The following CHAT variants were observed in gnomAD, a reference collection of about 807,000 sequenced individuals.
CHAT encodes the protein acetyl CoA:choline O-acetyltransferase.
In CHAT, 61 loss-of-function variants were observed where a neutral mutation model predicts 76.9. The ratio of observed to expected loss-of-function variants is 0.79; its 90% CI spans 0.65 to 0.98. The LOEUF is 0.98. Among genes scored for constraint, CHAT ranks in the 50% least tolerant of loss-of-function variants. The pLI, the probability that CHAT is intolerant of heterozygous loss-of-function variation, is 0.00. For missense variants in CHAT, 946 were observed against 986.9 expected, an observed-to-expected ratio of 0.96 and a Z score of 0.56; for synonymous variants, 407 against 397.4, an observed-to-expected ratio of 1.02 and a Z score of -0.29.
chr10:49,616,257 A>G (rs1438513371), intron 1 of CHAT, among the ~76,000 whole-genome samples: 1 of 152,188 alleles, frequency 6.6e-6, no homozygotes, highest in Non-Finnish European at 1.5e-5. Context: ...CAACAGACTC[A>G]TGAGAGCAGA....
intron 7 of CHAT, among the ~76,000 whole-genome samples, chr10:49,631,061 C>T (rs889593977): frequency 6.6e-6 from 1 of 152,170 alleles, no homozygotes; most frequent in Non-Finnish European, 1.5e-5. Context: ...TCTTCCCCAC[C>T]AACGCTCAGC....
At chr10:49,628,579 A>C (rs1365117598) in intron 7 of CHAT, among the ~76,000 whole-genome samples, 2 of 152,188 alleles carry the variant, frequency 1.3e-5, no homozygotes, top group Admixed American at 6.5e-5. Flanking sequence ...CCATGATGGG[A>C]ACAGGAAGAG....
intron 7 of CHAT, among the ~76,000 whole-genome samples, chr10:49,638,578 T>C (rs1014558418): frequency 2.6e-5 from 4 of 152,246 alleles, no homozygotes; most frequent in African/African-American, 9.6e-5. Context: ...CTGTAACTTT[T>C]TTAAAATTAT....
At chr10:49,651,241 C>G (rs1003459312) in intron 10 of CHAT, among the ~76,000 whole-genome samples, 2 of 151,842 alleles carry the variant, frequency 1.3e-5, no homozygotes, top group African/African-American at 4.8e-5. Flanking sequence ...TCCAAGTCCC[C>G]CTGTGTTCCT....
upstream of CHAT, chr10:49,610,769 C>A: frequency 6.4e-7 from 1 of 1,556,390 alleles, no homozygotes; most frequent in Non-Finnish European, 8.7e-7. Context: ...GCGGGCCAGG[C>A]CCGGGCGGCG....
At chr10:49,610,635 C>T (rs1420611989), upstream of CHAT, 17 of 1,202,688 alleles carry the variant, frequency 1.4e-5, no homozygotes, top group South Asian at 7.0e-5. Flanking sequence ...GGAGTCTGCT[C>T]GGCCAGGACA....
intron 10 of CHAT, chr10:49,651,588 CCT>C (rs1839880123): frequency 2.4e-6 from 1 of 417,326 alleles, no homozygotes. Context: ...ACAGTTAATC[CCT>C]GACTCACTAA....
At chr10:49,638,188 C>T (rs575068060) in intron 7 of CHAT, among the ~76,000 whole-genome samples, 4 of 152,246 alleles carry the variant, frequency 2.6e-5, no homozygotes, top group Non-Finnish European at 5.9e-5. Context: ...TATATAATGC[C>T]CTTCTATGTC....
intron 13 of CHAT, among the ~76,000 whole-genome samples, chr10:49,656,263 C>T (rs938798607): frequency 1.4e-5 from 2 of 146,218 alleles, no homozygotes; most frequent in African/African-American, 2.5e-5. Flanking sequence ...AAACATAGCA[C>T]CCACTCATGT....
upstream of CHAT, among the ~76,000 whole-genome samples, chr10:49,609,676 C>G (rs1245191429): frequency 6.6e-6 from 1 of 151,914 alleles, no homozygotes; most frequent in East Asian, 2.0e-4. Context: ...GCGGAGGGGC[C>G]GGTGGGTCAG....
At chr10:49,657,847 T>C (rs1376709067) in intron 13 of CHAT, among the ~76,000 whole-genome samples, 1 of 152,230 alleles carries the variant, frequency 6.6e-6, no homozygotes, top group Non-Finnish European at 1.5e-5. Flanking sequence ...GATGAGGTAG[T>C]GGTTTGCCAA....
At chr10:49,650,662 C>T (rs1839847716) in intron 10 of CHAT, among the ~76,000 whole-genome samples, 1 of 152,138 alleles carries the variant, frequency 6.6e-6, no homozygotes, top group East Asian at 1.9e-4. Context: ...CTAGAGCCTG[C>T]CCTGCCACTG....
chr10:49,625,131 G>A (rs1838869960), intron 5 of CHAT, among the ~76,000 whole-genome samples: 1 of 152,214 alleles, frequency 6.6e-6, no homozygotes, highest in African/African-American at 2.4e-5. Flanking sequence ...AGGAGGGGAA[G>A]GAGTTTTCTG....
chr10:49,627,806 C>A (rs774117465), intron 7 of CHAT, 21 bp downstream of exon 7: 1 of 1,610,482 alleles, frequency 6.2e-7, no homozygotes, highest in East Asian at 2.2e-5. Flanking sequence ...GTGCCCAGCA[C>A]ATCTCCATGC....
At chr10:49,615,809 C>T in intron 1 of CHAT, 1 of 553,816 alleles carries the variant, frequency 1.8e-6, no homozygotes. Flanking sequence ...GGCTGCCCAG[C>T]CTCCCTGCAT....
chr10:49,611,495 C>T, upstream of CHAT: 1 of 1,600,310 alleles, frequency 6.2e-7, no homozygotes, highest in Non-Finnish European at 8.5e-7. Flanking sequence ...GCTGCCGTGT[C>T]GCTCTTTGAC....
At position 49,646,621 on chromosome 10, in the gene CHAT, G is replaced by A. The variant is rs749948399; in HGVS notation, c.1228G>A (p.Gly410Ser). 7.4e-6 allele frequency: 12 copies of A among 1,614,088 alleles called. No homozygotes were observed. The highest frequency in any genetic ancestry group is 3.3e-5 in the South Asian group (3 of 91,086). Residue 410 changes from glycine to serine, a missense_variant, in exon 8 of 15, where the codon GGC (glycine) becomes AGC (serine). Physicochemically the swap from Gly to Ser is moderately conservative, Grantham distance 56 (BLOSUM62 0). Around this residue, in one of 3 missense-constraint regions of CHAT, gnomAD observed 49 missense variants for 76.7 expected, o/e 0.64. Coordinates refer to ENST00000337653, the MANE Select transcript of CHAT (RefSeq NM_020549.5). ...CCACAGGGCACTCCAGCTCCTTCAC[G>A]GCGGAGGCTACAGCAAGAACGGGGC... is the stretch of plus-strand genomic sequence containing the variant. ...DTHRALQLLH[G>S]GGYSKNGANR...
At chr10:49,662,192 G>C (rs1432531575) in intron 13 of CHAT, among the ~76,000 whole-genome samples, 1 of 152,184 alleles carries the variant, frequency 6.6e-6, no homozygotes, top group Non-Finnish European at 1.5e-5. Flanking sequence ...GTTCAGGACA[G>C]CCTGGGACGC....
intron 4 of CHAT, among the ~76,000 whole-genome samples, chr10:49,621,701 G>A (rs1318494321): frequency 6.6e-6 from 1 of 152,054 alleles, no homozygotes; most frequent in East Asian, 1.9e-4. Context: ...CTGCTCTGTG[G>A]CCTCTCCTAG....
Sources: gnomAD v4.1 joint callset for allele counts (sites outside exome capture counted in the v4.1 genomes callset) on GRCh38, gnomAD v4.1.1 for gene constraint, gnomAD v4.1.1 regional missense constraint, MANE v1.5 for transcripts, NCBI Gene and HGNC (gene_info 2026-07-23, HGNC 2026-07-21) for gene names.